The following DLC1 variants were observed in gnomAD, a reference collection of about 807,000 sequenced individuals.
DLC1 encodes rho GTPase-activating protein 7.
DLC1 carries 54 observed loss-of-function variants against 140.3 expected under a neutral mutation model. That is an observed-to-expected ratio of 0.38 (90% CI 0.31 to 0.48). The LOEUF is 0.48. Among genes scored for constraint, DLC1 ranks in the 20% least tolerant of loss-of-function variants. The pLI is 0.96. For synonymous variants in DLC1, 986 were observed against 728.1 expected (o/e 1.35, Z -5.70); for missense variants, 2,536 against 1,907.0 (o/e 1.33, Z -6.14).
In DLC1 at chr8:13,379,113, G is replaced by T. The variant is rs188541595; in HGVS notation, c.1314+14440C>A. Among the ~76,000 whole-genome samples the T allele has an allele frequency of 1.5e-4, 23 of 152,208 alleles. 1 individual carries two copies. In the East Asian group the frequency reaches 2.7e-3, roughly 18 times the overall value. ...TAGAAAAATTGCATTTAGTGTTCCA[G>T]TATTTCTGAAATGTCAAGAAAAACG... On this transcript the variant is annotated intron_variant, in intron 4 of 17. Transcript: ENST00000276297.
intron 5 of DLC1, among the ~76,000 whole-genome samples, chr8:13,142,751 A>G (rs1293574205): frequency 1.3e-5 from 2 of 152,238 alleles, no homozygotes; most frequent in African/African-American, 4.8e-5. Flanking sequence ...CTCAAAATAT[A>G]CAGAGTAAAA....
chr8:13,435,406 C>A (rs568131644), intron 2 of DLC1, among the ~76,000 whole-genome samples: 2 of 152,108 alleles, frequency 1.3e-5, no homozygotes, highest in Non-Finnish European at 2.9e-5. Context: ...CTCCACCTCC[C>A]GGGTTCAAGC....
At chr8:13,330,512 T>C (rs1455937669) in intron 4 of DLC1, among the ~76,000 whole-genome samples, 1 of 152,222 alleles carries the variant, frequency 6.6e-6, no homozygotes, top group Non-Finnish European at 1.5e-5. Flanking sequence ...ATGTTGTGTA[T>C]TCTGTGAGCT....
intron 1 of DLC1, among the ~76,000 whole-genome samples, chr8:13,500,997 A>G (rs1801786202): frequency 6.6e-6 from 1 of 152,212 alleles, no homozygotes. Context: ...GAGATAGTCA[A>G]CAAACTTCAT....
At chr8:13,450,377 C>T (rs1181309868) in intron 2 of DLC1, among the ~76,000 whole-genome samples, 1 of 144,678 alleles carries the variant, frequency 6.9e-6, no homozygotes, top group African/African-American at 2.5e-5. Flanking sequence ...ATCACTTGAA[C>T]CCGGAAGGTG....
intron 1 of DLC1, among the ~76,000 whole-genome samples, chr8:13,500,538 G>T (rs1462014730): frequency 6.6e-6 from 1 of 152,184 alleles, no homozygotes; most frequent in Non-Finnish European, 1.5e-5. Flanking sequence ...AAGAAACATT[G>T]TTCTGGCTTG....
At chr8:13,471,538 G>C (rs1328022895) in intron 2 of DLC1, among the ~76,000 whole-genome samples, 1 of 150,666 alleles carries the variant, frequency 6.6e-6, no homozygotes, top group Non-Finnish European at 1.5e-5. Context: ...AGGGAGGGAA[G>C]GAGGGAGGGA....
At chr8:13,598,500 G>A (rs1229361641) in intron 1 of DLC1, among the ~76,000 whole-genome samples, 1 of 152,012 alleles carries the variant, frequency 6.6e-6, no homozygotes, top group East Asian at 1.9e-4. Flanking sequence ...GATTCTTTAT[G>A]TCCCTTTTAG....
At chr8:13,159,535 T>C (rs1392131088) in intron 5 of DLC1, among the ~76,000 whole-genome samples, 3 of 152,168 alleles carry the variant, frequency 2.0e-5, no homozygotes, top group Non-Finnish European at 4.4e-5. Flanking sequence ...CAACACCTCC[T>C]CTTTTGTTTA....
At chr8:13,291,399 A>T (rs896958005) in intron 5 of DLC1, among the ~76,000 whole-genome samples, 7 of 152,216 alleles carry the variant, frequency 4.6e-5, no homozygotes, top group Non-Finnish European at 1.0e-4. Flanking sequence ...TGATACTAAT[A>T]TGTAAATTTA....
At chr8:13,528,604 G>C (rs1802994785) in intron 1 of DLC1, among the ~76,000 whole-genome samples, 1 of 152,138 alleles carries the variant, frequency 6.6e-6, no homozygotes, top group Non-Finnish European at 1.5e-5. Context: ...GTGGGCCAAA[G>C]TAGAGTGTGG....
chr8:13,176,969 G>C (rs1412135966), intron 5 of DLC1, among the ~76,000 whole-genome samples: 1 of 152,178 alleles, frequency 6.6e-6, no homozygotes, highest in African/African-American at 2.4e-5. Flanking sequence ...ACAGCAAGGA[G>C]ACAGTTCTCT....
chr8:13,351,390 T>C (rs1394809139), intron 4 of DLC1, among the ~76,000 whole-genome samples: 2 of 152,220 alleles, frequency 1.3e-5, no homozygotes, highest in African/African-American at 4.8e-5. Context: ...TGCTACACTG[T>C]CATTGCAATG....
At chr8:13,254,312 A>C (rs749123035) in intron 5 of DLC1, among the ~76,000 whole-genome samples, 2 of 152,178 alleles carry the variant, frequency 1.3e-5, no homozygotes, top group Non-Finnish European at 2.9e-5. Flanking sequence ...AGGCCAGAAC[A>C]CGCCTCCTAC....
intron 1 of DLC1, among the ~76,000 whole-genome samples, chr8:13,542,209 C>T (rs1285399031): frequency 6.6e-6 from 1 of 152,026 alleles, no homozygotes. Context: ...TATATTTTGG[C>T]CTGTGTTCTA....
chr8:13,280,995 A>G (rs1831347770), intron 5 of DLC1, among the ~76,000 whole-genome samples: 1 of 152,218 alleles, frequency 6.6e-6, no homozygotes, highest in African/African-American at 2.4e-5. Context: ...CTGTAACTCC[A>G]CAGAAGATCT....
chr8:13,272,115 C>T (rs568663106), intron 5 of DLC1, among the ~76,000 whole-genome samples: 4 of 152,318 alleles, frequency 2.6e-5, no homozygotes, highest in African/African-American at 9.6e-5. Flanking sequence ...GTCATTGATA[C>T]TATTTAGTAG....
At position 13,110,901 on chromosome 8, in the gene DLC1, G is replaced by C. The variant is rs1331658739; in HGVS notation, c.1421-78C>G. 12 of 1,303,162 alleles carry C rather than the reference G, an allele frequency of 9.2e-6. No homozygotes were observed. The African/African-American group carries it at 1.6e-4, about 17-fold the overall frequency. 80.7% of individuals were successfully genotyped at this position (1,303,162 alleles called of 1,614,324 possible). A position where few individuals can be genotyped will look rare whatever the true frequency, so the allele number is the denominator to read the frequency against. Reference sequence around the variant, plus strand: ...CAAATAGCCCAGTTTACCAAAGCAGGGATAAAACTCTTCAGCAATATACTA... The same window carrying C: ...CAAATAGCCCAGTTTACCAAAGCAGCGATAAAACTCTTCAGCAATATACTA... On this transcript the variant is annotated intron_variant, in intron 6 of 17. Coordinates refer to ENST00000276297, the MANE Select transcript of DLC1 (RefSeq NM_182643.3).
Position 13,457,858 on chromosome 8 carries a change from C to T in DLC1, c.1023+41191G>A, listed in dbSNP as rs117280652. Among the ~76,000 whole-genome samples, 53 of 152,066 alleles carry T rather than the reference C, an allele frequency of 3.5e-4. No individual in the cohort carries two copies. The East Asian group carries it at 7.0e-3, about 20-fold the overall frequency. ...GAAGAAAAACATGAATTTCTTAAACCTTTACTTTTTGCCTCTGTATTATGG... is the reference window on the plus strand; with the variant it reads ...GAAGAAAAACATGAATTTCTTAAACTTTTACTTTTTGCCTCTGTATTATGG... On this transcript the variant is annotated intron_variant, in intron 2 of 17. Transcript: ENST00000276297.
Sources: gnomAD v4.1 joint callset for allele counts (sites outside exome capture counted in the v4.1 genomes callset) on GRCh38, gnomAD v4.1.1 for gene constraint, MANE v1.5 for transcripts, NCBI Gene and HGNC (gene_info 2026-07-23, HGNC 2026-07-21) for gene names.